CCDC73: variants seen among roughly 807,000 people sequenced by gnomAD.
CCDC73 encodes the protein coiled-coil domain-containing protein 73.
Under a neutral mutation model 116.5 loss-of-function variants are expected in CCDC73, and 95 were observed. The observed-to-expected ratio is 0.82, with a 90% CI of 0.69 to 0.97. CCDC73 has a LOEUF of 0.97. Among genes scored for constraint, CCDC73 ranks in the 50% least tolerant of loss-of-function variants. The pLI, the probability that CCDC73 is intolerant of heterozygous loss-of-function variation, is 0.00. For synonymous variants in CCDC73, 398 were observed against 401.3 expected (o/e 0.99, Z 0.10); for missense variants, 1,066 against 1,206.8 (o/e 0.88, Z 1.73).
chr11:32,813,173 T>G, the CCDC73 span, among the ~76,000 whole-genome samples: 1 of 152,214 alleles, frequency 6.6e-6, no homozygotes, highest in South Asian at 2.1e-4. Context: ...TTTTTTCAGT[T>G]TGTCCTTTGC....
At chr11:32,627,139 C>T (rs1262876841) in intron 14 of CCDC73, among the ~76,000 whole-genome samples, 7 of 152,024 alleles carry the variant, frequency 4.6e-5, no homozygotes, top group Non-Finnish European at 8.8e-5. Context: ...AACAAACAAC[C>T]CCATCAACAA....
In CCDC73 at chr11:32,780,891, T is replaced by TG. The variant is rs1850577407; in HGVS notation, c.-16+13721dup. ...GAACCCAGCAATCTGGTTCCAGGGT[T>TG]GTACTCTTAACCACTATATTATAGT... On this transcript the variant is annotated intron_variant, in intron 1 of 17. Coordinates refer to ENST00000335185, the MANE Select transcript of CCDC73 (RefSeq NM_001008391.4). Among the ~76,000 whole-genome samples the TG allele has an allele frequency of 2.0e-5, 3 of 152,180 alleles. No homozygotes were observed. In the South Asian group the frequency reaches 6.2e-4, roughly 31 times the overall value.
the CCDC73 span, among the ~76,000 whole-genome samples, chr11:32,820,213 C>G: frequency 1.3e-5 from 2 of 151,978 alleles, no homozygotes; most frequent in Non-Finnish European, 2.9e-5. Flanking sequence ...AGTGTAGTGG[C>G]GTGTGCAATC....
chr11:32,734,144 C>G (rs1242478176), intron 2 of CCDC73, among the ~76,000 whole-genome samples: 1 of 152,154 alleles, frequency 6.6e-6, no homozygotes, highest in Non-Finnish European at 1.5e-5. Context: ...CTATAAACAC[C>G]TCTACGCAAA....
intron 9 of CCDC73, among the ~76,000 whole-genome samples, chr11:32,655,578 A>G (rs939620624): frequency 6.6e-6 from 1 of 152,220 alleles, no homozygotes; most frequent in African/African-American, 2.4e-5. Flanking sequence ...CTAATAAGAT[A>G]TGACTGGAGC....
chr11:32,639,475 A>T (rs1309803636), intron 13 of CCDC73, among the ~76,000 whole-genome samples: 5 of 150,524 alleles, frequency 3.3e-5, no homozygotes, highest in African/African-American at 1.2e-4. Flanking sequence ...TTTGAGATGG[A>T]GTCTCACTCT....
At chr11:32,759,283 G>T (rs1590633524) in intron 2 of CCDC73, among the ~76,000 whole-genome samples, 1 of 150,820 alleles carries the variant, frequency 6.6e-6, no homozygotes, top group East Asian at 1.9e-4. Flanking sequence ...CTTTTTAATG[G>T]GATTTGCACA....
intron 14 of CCDC73, among the ~76,000 whole-genome samples, chr11:32,626,500 A>G (rs1419713456): frequency 6.6e-6 from 1 of 152,202 alleles, no homozygotes; most frequent in Non-Finnish European, 1.5e-5. Flanking sequence ...TGGAACCAAA[A>G]AAGAGCCCAC....
At chr11:32,625,984 G>A (rs10835952) in intron 14 of CCDC73, among the ~76,000 whole-genome samples, 81,264 of 122,138 alleles carry the variant, frequency 0.67, 31,214 homozygotes, top group African/African-American at 0.73. Context: ...GGCCAGGGCA[G>A]TCAGGCAGGA....
intron 6 of CCDC73, among the ~76,000 whole-genome samples, chr11:32,698,433 G>C (rs1486406508): frequency 6.6e-6 from 1 of 152,154 alleles, no homozygotes; most frequent in African/African-American, 2.4e-5. Flanking sequence ...TTTTTGGCAA[G>C]AAAATTACAT....
intron 2 of CCDC73, among the ~76,000 whole-genome samples, chr11:32,745,869 C>T (rs1850233636): frequency 6.6e-6 from 1 of 151,366 alleles, no homozygotes; most frequent in Non-Finnish European, 1.5e-5. Flanking sequence ...TGGGTCTTGA[C>T]TCTTTATCCA....
chr11:32,817,714 CAT>C, the CCDC73 span, among the ~76,000 whole-genome samples: 1 of 152,198 alleles, frequency 6.6e-6, no homozygotes, highest in Non-Finnish European at 1.5e-5. Flanking sequence ...AACACTCTGT[CAT>C]ACAGCCTCAC....
intron 3 of CCDC73, among the ~76,000 whole-genome samples, chr11:32,714,638 G>A (rs1354371500): frequency 1.3e-5 from 2 of 152,008 alleles, no homozygotes; most frequent in African/African-American, 4.8e-5. Flanking sequence ...CTAATACATG[G>A]AATGCCATTC....
chr11:32,732,679 G>A (rs1850090347), intron 2 of CCDC73, among the ~76,000 whole-genome samples: 1 of 152,110 alleles, frequency 6.6e-6, no homozygotes, highest in South Asian at 2.1e-4. Context: ...AACTTCATAA[G>A]TGAAGGAGAA....
At chr11:32,786,601 T>C (rs1850631812) in intron 1 of CCDC73, among the ~76,000 whole-genome samples, 2 of 149,726 alleles carry the variant, frequency 1.3e-5, no homozygotes, top group African/African-American at 4.9e-5. Flanking sequence ...CATCATATTA[T>C]TTATTTTATA....
chr11:32,829,317 A>C, the CCDC73 span, among the ~76,000 whole-genome samples: 1 of 152,228 alleles, frequency 6.6e-6, no homozygotes, highest in African/African-American at 2.4e-5. Context: ...GCCCCTGGAA[A>C]TTTCCACTGT....
intron 1 of CCDC73, among the ~76,000 whole-genome samples, chr11:32,793,542 AG>A (rs1850694950): frequency 6.6e-6 from 1 of 152,214 alleles, no homozygotes; most frequent in Non-Finnish European, 1.5e-5. Context: ...AAATGACTTA[AG>A]GGTTGTCACT....
chr11:32,635,891 G>A, intron 13 of CCDC73, 61 bp from the exon 14 acceptor site: 1 of 967,440 alleles, frequency 1.0e-6, no homozygotes, highest in Non-Finnish European at 1.3e-6. Flanking sequence ...TGTTTTGTCT[G>A]AAAATATTTC....
At chr11:32,818,319 C>A in the CCDC73 span, among the ~76,000 whole-genome samples, 1 of 152,162 alleles carries the variant, frequency 6.6e-6, no homozygotes. Context: ...CTGGCTCTGT[C>A]CTAACTAGCT....
Sources: allele counts gnomAD v4.1 joint callset (sites outside exome capture counted in the v4.1 genomes callset), GRCh38; gene constraint gnomAD v4.1.1; transcripts MANE v1.5; gene names NCBI Gene and HGNC (gene_info 2026-07-23, HGNC 2026-07-21).